SASH1: variants seen among roughly 807,000 people sequenced by gnomAD.
SASH1 encodes SAM and SH3 domain-containing protein 1.
SASH1 carries 44 observed loss-of-function variants against 125.2 expected under a neutral mutation model. The ratio of observed to expected loss-of-function variants is 0.35; its 90% CI spans 0.28 to 0.45. SASH1 has a LOEUF of 0.45. SASH1 is among the 20% of genes least tolerant of loss of function. The pLI is 1.00. For synonymous variants in SASH1, 639 were observed against 649.1 expected (o/e 0.98, Z 0.24); for missense variants, 1,426 against 1,614.5 (o/e 0.88, Z 2.00).
At position 148,502,857 on chromosome 6, in the gene SASH1, G is replaced by A. The variant is rs530066145; in HGVS notation, c.730-11467G>A. ...CATGGCAGTTTCCTCTTCCCCTCAC[G>A]GAAGTGTGCCTCAATTTCCTTACCC... On this transcript the variant is annotated intron_variant, in intron 8 of 19. Coordinates refer to ENST00000367467, the MANE Select transcript of SASH1 (RefSeq NM_015278.5). Among the ~76,000 whole-genome samples, 8 of 152,318 alleles carry A rather than the reference G, an allele frequency of 5.3e-5. No individual in the cohort carries two copies. In the East Asian group the frequency reaches 5.8e-4, roughly 11 times the overall value.
chr6:148,481,652 G>A (rs1480055928), intron 7 of SASH1, among the ~76,000 whole-genome samples: 2 of 152,132 alleles, frequency 1.3e-5, no homozygotes, highest in Non-Finnish European at 2.9e-5. Context: ...TGGGAGAATG[G>A]CCGGTCAGTG....
the SASH1 span, among the ~76,000 whole-genome samples, chr6:148,206,619 ATC>A: frequency 0.014 from 2,156 of 152,110 alleles, 43 homozygotes; most frequent in African/African-American, 0.05. Context: ...GTGAAACCCC[ATC>A]TCTACTAAAA....
At chr6:148,363,568 T>C (rs1456971616) in intron 1 of SASH1, among the ~76,000 whole-genome samples, 1 of 152,056 alleles carries the variant, frequency 6.6e-6, no homozygotes, top group Admixed American at 6.6e-5. Context: ...ACCCGGCTAA[T>C]TTTCTGTATT....
At chr6:148,306,112 A>ACC (rs1294850466) in intron 1 of SASH1, among the ~76,000 whole-genome samples, 1 of 152,232 alleles carries the variant, frequency 6.6e-6, no homozygotes, top group Non-Finnish European at 1.5e-5. Context: ...AGAAGGAGTT[A>ACC]CCTCTACTGA....
the SASH1 span, among the ~76,000 whole-genome samples, chr6:148,232,654 G>A: frequency 6.6e-6 from 1 of 152,196 alleles, no homozygotes; most frequent in African/African-American, 2.4e-5. Flanking sequence ...TCAAGAGGTG[G>A]CTGAAGACAA....
chr6:148,422,830 T>C (rs1775629104), intron 2 of SASH1, among the ~76,000 whole-genome samples: 1 of 152,194 alleles, frequency 6.6e-6, no homozygotes, highest in Non-Finnish European at 1.5e-5. Flanking sequence ...CAATAAAAAG[T>C]TTGCCCTGGG....
At chr6:148,476,746 G>C (rs1441820587) in intron 7 of SASH1, among the ~76,000 whole-genome samples, 1 of 152,000 alleles carries the variant, frequency 6.6e-6, no homozygotes, top group African/African-American at 2.4e-5. Context: ...AGAATACCTA[G>C]AACAGCCAAA....
intron 1 of SASH1, among the ~76,000 whole-genome samples, chr6:148,356,327 C>CGAT (rs1281313692): frequency 6.6e-6 from 1 of 151,722 alleles, no homozygotes; most frequent in Non-Finnish European, 1.5e-5. Context: ...TTAGGTGATC[C>CGAT]GCCTGCCTCA....
the SASH1 span, among the ~76,000 whole-genome samples, chr6:148,262,355 C>T: frequency 6.6e-6 from 1 of 152,138 alleles, no homozygotes. Context: ...CCTCCTGAGT[C>T]ATCATGCGCT....
intron 8 of SASH1, among the ~76,000 whole-genome samples, chr6:148,512,229 G>A (rs999897966): frequency 2.2e-4 from 34 of 151,818 alleles, no homozygotes; most frequent in African/African-American, 5.8e-4. Context: ...CGTGTTAGCC[G>A]GGATGGTCTC....
chr6:148,259,373 G>C, the SASH1 span, among the ~76,000 whole-genome samples: 1 of 152,204 alleles, frequency 6.6e-6, no homozygotes, highest in Non-Finnish European at 1.5e-5. Context: ...GAACTGCACG[G>C]CTGAAGAGAG....
intron 16 of SASH1, among the ~76,000 whole-genome samples, chr6:148,539,258 T>A (rs1782073646): frequency 1.3e-5 from 2 of 152,154 alleles, no homozygotes; most frequent in Admixed American, 1.3e-4. Flanking sequence ...GTTACATGGA[T>A]GAATTATATA....
the SASH1 span, among the ~76,000 whole-genome samples, chr6:148,215,003 TGAG>T: frequency 3.7e-4 from 57 of 152,286 alleles, no homozygotes; most frequent in African/African-American, 1.2e-3. Flanking sequence ...CAAAACATTC[TGAG>T]GAGTCTGGCG....
At chr6:148,435,352 C>G (rs1034071116) in intron 2 of SASH1, among the ~76,000 whole-genome samples, 1 of 146,006 alleles carries the variant, frequency 6.8e-6, no homozygotes, top group African/African-American at 2.6e-5. Flanking sequence ...GCGCTCCAGC[C>G]TGGGAGACAG....
intron 1 of SASH1, among the ~76,000 whole-genome samples, chr6:148,336,176 C>CTTTTT (rs61290611): frequency 1.1e-3 from 75 of 70,766 alleles, no homozygotes; most frequent in East Asian, 2.5e-3. Flanking sequence ...AAACTGCATC[C>CTTTTT]TTTTTTTTTT....
intron 1 of SASH1, among the ~76,000 whole-genome samples, chr6:148,344,365 A>G (rs915350732): frequency 7.2e-5 from 11 of 152,214 alleles, no homozygotes; most frequent in Non-Finnish European, 8.8e-5. Flanking sequence ...TAGAGGCTCA[A>G]TAAGTGTAGC....
intron 2 of SASH1, among the ~76,000 whole-genome samples, chr6:148,438,613 A>T (rs774882500): frequency 6.6e-6 from 1 of 151,430 alleles, no homozygotes. Flanking sequence ...GTGAGTTGCC[A>T]GTTCATTAAA....
chr6:148,390,091 A>G (rs936341288), intron 1 of SASH1, 43 bp from the exon 2 acceptor site: 2 of 1,607,442 alleles, frequency 1.2e-6, no homozygotes, highest in Non-Finnish European at 8.5e-7. Context: ...GGGCTTTTCC[A>G]GGGTGGACTG....
intron 2 of SASH1, among the ~76,000 whole-genome samples, chr6:148,403,812 G>A (rs532983651): frequency 2.6e-5 from 4 of 152,254 alleles, no homozygotes; most frequent in African/African-American, 4.8e-5. Context: ...GATTACAGGC[G>A]TGAGCCACTG....
Sources: gnomAD v4.1 joint callset for allele counts (sites outside exome capture counted in the v4.1 genomes callset) on GRCh38, gnomAD v4.1.1 for gene constraint, MANE v1.5 for transcripts, NCBI Gene and HGNC (gene_info 2026-07-23, HGNC 2026-07-21) for gene names.